The following ZC3H12B variants were observed in gnomAD, a reference collection of about 807,000 sequenced individuals.
The protein encoded by ZC3H12B is probable ribonuclease ZC3H12B.
Under a neutral mutation model 43.9 loss-of-function variants are expected in ZC3H12B, and 7 were observed. The ratio of observed to expected loss-of-function variants is 0.16; its 90% CI spans 0.09 to 0.30. ZC3H12B has a LOEUF of 0.30. Ranked by LOEUF, ZC3H12B falls within the 10% of genes least tolerant of loss-of-function variation. The pLI is 1.00. For synonymous variants in ZC3H12B, 222 were observed against 241.7 expected, an observed-to-expected ratio of 0.92 and a Z score of 0.76; for missense variants, 475 against 670.2, an observed-to-expected ratio of 0.71 and a Z score of 3.22.
intron 3 of ZC3H12B, among the ~76,000 whole-genome samples, chrX:65,407,518 C>A (rs1037429455): frequency 2.6e-5 from 3 of 113,600 alleles, no homozygotes; most frequent in Non-Finnish European, 5.6e-5. Context: ...GAGGGCGCAG[C>A]CGAGTCTTGC....
chrX:65,341,169 G>A, the ZC3H12B span, among the ~76,000 whole-genome samples: 1 of 112,035 alleles, frequency 8.9e-6, no homozygotes, highest in Non-Finnish European at 1.9e-5. Flanking sequence ...AAAAAAGAAT[G>A]AAAAGGAACA....
At chrX:65,202,430 T>G in the ZC3H12B span, among the ~76,000 whole-genome samples, 1 of 108,691 alleles carries the variant, frequency 9.2e-6, no homozygotes, top group South Asian at 3.9e-4. Context: ...AAGGTTTTGG[T>G]CATTGCAGCA....
the ZC3H12B span, among the ~76,000 whole-genome samples, chrX:65,120,078 C>T: frequency 8.1e-5 from 9 of 111,704 alleles, no homozygotes; most frequent in Non-Finnish European, 1.1e-4. Context: ...AGTCAGGTAG[C>T]GTGATGCCTC....
the ZC3H12B span, among the ~76,000 whole-genome samples, chrX:65,113,985 G>GTGTGTATA: frequency 8.4e-5 from 4 of 47,475 alleles, no homozygotes; most frequent in African/African-American, 2.2e-4. Flanking sequence ...AGATATGCTT[G>GTGTGTATA]TATATATATA....
At chrX:65,230,608 C>G in the ZC3H12B span, among the ~76,000 whole-genome samples, 2 of 93,341 alleles carry the variant, frequency 2.1e-5, no homozygotes, top group Non-Finnish European at 4.3e-5. Context: ...TTTCCCCCAG[C>G]GCCAAAAAAA....
chrX:65,170,512 T>G, the ZC3H12B span, among the ~76,000 whole-genome samples: 67 of 111,459 alleles, frequency 6.0e-4, no homozygotes, highest in African/African-American at 2.2e-3. Flanking sequence ...ATTATTTGTC[T>G]TGGAATTGCT....
the ZC3H12B span, among the ~76,000 whole-genome samples, chrX:65,168,029 C>A: frequency 9.0e-6 from 1 of 111,729 alleles, no homozygotes; most frequent in Non-Finnish European, 1.9e-5. Flanking sequence ...CCCTTTGTTT[C>A]TTCCTCCTGC....
chrX:65,203,267 A>C, the ZC3H12B span, among the ~76,000 whole-genome samples: 1 of 111,801 alleles, frequency 8.9e-6, no homozygotes, highest in African/African-American at 3.3e-5. Context: ...AGTCCCGTTT[A>C]CTTTTTCCTC....
At chrX:65,158,765 T>C in the ZC3H12B span, among the ~76,000 whole-genome samples, 2 of 112,039 alleles carry the variant, frequency 1.8e-5, no homozygotes, top group South Asian at 3.7e-4. Flanking sequence ...GTGCAGAAGC[T>C]CTTTAGTTTA....
At chrX:65,222,765 C>A in the ZC3H12B span, among the ~76,000 whole-genome samples, 1 of 110,375 alleles carries the variant, frequency 9.1e-6, no homozygotes, top group Admixed American at 9.7e-5. Flanking sequence ...ATCCCATGCT[C>A]ATGGATGGCT....
At chrX:65,057,208 G>T in the ZC3H12B span, among the ~76,000 whole-genome samples, 1 of 111,794 alleles carries the variant, frequency 8.9e-6, no homozygotes, top group Non-Finnish European at 1.9e-5. Context: ...GCATGTTTTT[G>T]CAGTGGCTGG....
the ZC3H12B span, among the ~76,000 whole-genome samples, chrX:65,211,948 A>G: frequency 1.4e-5 from 1 of 71,405 alleles, no homozygotes; most frequent in African/African-American, 6.0e-5. Context: ...TATGTATACT[A>G]TATAATATAT....
At chrX:65,463,754 CT>C (rs1039101890) in intron 3 of ZC3H12B, among the ~76,000 whole-genome samples, 1 of 111,219 alleles carries the variant, frequency 9.0e-6, no homozygotes, top group African/African-American at 3.3e-5. Context: ...TCAAAATATG[CT>C]GGTTTCTTAT....
At chrX:65,263,274 G>T in the ZC3H12B span, among the ~76,000 whole-genome samples, 8 of 111,078 alleles carry the variant, frequency 7.2e-5, no homozygotes, top group African/African-American at 2.6e-4. Flanking sequence ...ATAATACATT[G>T]TGATAGGGCT....
the ZC3H12B span, among the ~76,000 whole-genome samples, chrX:65,041,856 A>G: frequency 2.7e-5 from 3 of 111,952 alleles, no homozygotes; most frequent in Non-Finnish European, 5.6e-5. Context: ...AAGCACTAAA[A>G]TCCAGCATTT....
At chrX:65,257,507 C>T in the ZC3H12B span, among the ~76,000 whole-genome samples, 4 of 110,331 alleles carry the variant, frequency 3.6e-5, no homozygotes, top group Non-Finnish European at 7.6e-5. Flanking sequence ...ATGTGAATGA[C>T]GAGTTGATGG....
chrX:65,216,569 T>C, the ZC3H12B span, among the ~76,000 whole-genome samples: 1 of 111,480 alleles, frequency 9.0e-6, no homozygotes, highest in Admixed American at 9.5e-5. Flanking sequence ...GGAAAAGCCC[T>C]GGTACGGCAT....
the ZC3H12B span, among the ~76,000 whole-genome samples, chrX:65,347,684 C>G: frequency 1.8e-5 from 2 of 112,228 alleles, no homozygotes; most frequent in Admixed American, 9.4e-5. Flanking sequence ...GTGGCGATTC[C>G]TCAAGGATCT....
chrX:65,422,215 G>A (rs969347671), intron 3 of ZC3H12B, among the ~76,000 whole-genome samples: 1 of 111,625 alleles, frequency 9.0e-6, no homozygotes, highest in Non-Finnish European at 1.9e-5. Context: ...ATCAAAGGGT[G>A]GAAATGAGTG....
Sources: allele counts gnomAD v4.1 joint callset (sites outside exome capture counted in the v4.1 genomes callset), GRCh38; gene constraint gnomAD v4.1.1; transcripts MANE v1.5; gene names NCBI Gene and HGNC (gene_info 2026-07-23, HGNC 2026-07-21).